MTDH: variants seen among roughly 807,000 people sequenced by gnomAD.
MTDH encodes the protein protein LYRIC.
Under a neutral mutation model 72.7 loss-of-function variants are expected in MTDH, and 34 were observed. The ratio of observed to expected loss-of-function variants is 0.47; its 90% CI spans 0.36 to 0.62. The LOEUF is 0.62. MTDH is among the 20% of genes least tolerant of loss of function. The pLI is 0.00. For synonymous variants in MTDH, 266 were observed against 268.9 expected (o/e 0.99, Z 0.10); for missense variants, 677 against 699.4 (o/e 0.97, Z 0.36).
intron 9 of MTDH, among the ~76,000 whole-genome samples, chr8:97,716,519 C>G (rs1814878379): frequency 6.6e-6 from 1 of 152,092 alleles, no homozygotes; most frequent in Admixed American, 6.6e-5. Context: ...GAAACCCCGT[C>G]TCTACTGAAA....
intron 2 of MTDH, among the ~76,000 whole-genome samples, chr8:97,686,105 A>T (rs1198800783): frequency 6.6e-6 from 1 of 152,180 alleles, no homozygotes; most frequent in East Asian, 1.9e-4. Context: ...TGTACAATTG[A>T]CTCATTAATT....
At chr8:97,704,094 C>T (rs1814250834) in intron 7 of MTDH, among the ~76,000 whole-genome samples, 1 of 152,164 alleles carries the variant, frequency 6.6e-6, no homozygotes, top group Non-Finnish European at 1.5e-5. Flanking sequence ...ACATTTCACA[C>T]TTGTAATCAC....
chr8:97,667,438 A>G (rs961039276), intron 2 of MTDH, among the ~76,000 whole-genome samples: 1 of 152,368 alleles, frequency 6.6e-6, no homozygotes, highest in East Asian at 1.9e-4. Flanking sequence ...GAATATATGC[A>G]TAAAGTTTGC....
At chr8:97,656,219 A>G (rs1276100453) in intron 1 of MTDH, among the ~76,000 whole-genome samples, 5 of 151,896 alleles carry the variant, frequency 3.3e-5, no homozygotes, top group Admixed American at 1.3e-4. Flanking sequence ...ATATATGCTT[A>G]CCTCAGATAC....
At chr8:97,645,234 T>G (rs1811521086) in intron 1 of MTDH, among the ~76,000 whole-genome samples, 1 of 152,148 alleles carries the variant, frequency 6.6e-6, no homozygotes, top group Non-Finnish European at 1.5e-5. Context: ...AGGCTGCATG[T>G]GGAGCGTAAT....
chr8:97,651,201 C>T (rs975905383), intron 1 of MTDH, among the ~76,000 whole-genome samples: 2 of 152,184 alleles, frequency 1.3e-5, no homozygotes. Context: ...ATACCATATA[C>T]AATACATGGT....
intron 9 of MTDH, among the ~76,000 whole-genome samples, chr8:97,717,125 A>G (rs560057590): frequency 2.0e-5 from 3 of 152,262 alleles, no homozygotes; most frequent in African/African-American, 7.2e-5. Context: ...TCACCCACAT[A>G]CTTCCAAAGC....
At chr8:97,699,376 G>T (rs1198846335) in intron 6 of MTDH, among the ~76,000 whole-genome samples, 2 of 151,970 alleles carry the variant, frequency 1.3e-5, no homozygotes, top group African/African-American at 4.8e-5. Flanking sequence ...GGTTGAGGCT[G>T]CAGTGAGCCA....
intron 6 of MTDH, among the ~76,000 whole-genome samples, chr8:97,693,200 C>T (rs1813689393): frequency 6.6e-6 from 1 of 152,062 alleles, no homozygotes; most frequent in Non-Finnish European, 1.5e-5. Context: ...ATATGCTTAC[C>T]AAGGTTGGGG....
Position 97,644,743 on chromosome 8 carries a change from CA to C in MTDH, c.242del (p.Lys81SerfsTer26). The C allele has an allele frequency of 6.4e-7, 1 of 1,572,478 alleles. No individual in the cohort carries two copies. The highest frequency in any genetic ancestry group is 8.6e-7 in the Non-Finnish European group (1 of 1,166,574). ...GGGCCGCGGCTTGCGCCGGCGCCCGCAAAAAGCGGAGGAGCCCGCCCCGCAA... is the reference window on the plus strand; with the variant it reads ...GGGCCGCGGCTTGCGCCGGCGCCCGCAAAAGCGGAGGAGCCCGCCCCGCAA... ...GWAAACAGAR[K>X]KRRSPPRKRE... On this transcript the variant is annotated frameshift_variant, in exon 1 of 12. Coordinates refer to ENST00000336273, the MANE Select transcript of MTDH (RefSeq NM_178812.4). LOFTEE classifies it high-confidence loss of function.
In MTDH at chr8:97,661,128, T is replaced by C. The variant is rs771700738; in HGVS notation, c.438T>C (p.Ser146=). 6.2e-7 allele frequency: 1 copy of C among 1,613,086 alleles called. No individual in the cohort carries two copies. The highest frequency in any genetic ancestry group is 8.5e-7 in the Non-Finnish European group (1 of 1,179,526). Residue 146 remains serine, a synonymous_variant, in exon 2 of 12, where the codon AGT becomes AGC. Coordinates refer to ENST00000336273, the MANE Select transcript of MTDH (RefSeq NM_178812.4). ...GTGAAGCTGTTCGAACACCTCAAAG[T>C]GTAACAGCAAAGCAGCCACCAGAGA... ...AEGEAVRTPQ[S]VTAKQPPEID...
intron 8 of MTDH, among the ~76,000 whole-genome samples, chr8:97,712,313 A>G (rs1423122122): frequency 1.3e-5 from 2 of 152,180 alleles, no homozygotes; most frequent in Non-Finnish European, 2.9e-5. Context: ...CTGGGATTGC[A>G]GGCTTCAGCC....
chr8:97,673,772 C>T (rs1180906414), intron 2 of MTDH, among the ~76,000 whole-genome samples: 1 of 151,666 alleles, frequency 6.6e-6, no homozygotes, highest in African/African-American at 2.4e-5. Flanking sequence ...CTCCAGAGTT[C>T]AAGACCAGCT....
chr8:97,671,156 G>A (rs1345225953), intron 2 of MTDH, among the ~76,000 whole-genome samples: 3 of 151,858 alleles, frequency 2.0e-5, no homozygotes, highest in African/African-American at 4.8e-5. Flanking sequence ...TAGTAGAGAC[G>A]GGGTTTCACC....
intron 6 of MTDH, among the ~76,000 whole-genome samples, chr8:97,699,248 A>G (rs975858058): frequency 3.3e-5 from 5 of 152,052 alleles, no homozygotes; most frequent in African/African-American, 2.4e-5. Flanking sequence ...AGACTGTGCC[A>G]CTACACTCCG....
chr8:97,663,691 G>GT (rs146899018), intron 2 of MTDH, among the ~76,000 whole-genome samples: 25,684 of 145,468 alleles, frequency 0.18, 3,314 homozygotes, highest in African/African-American at 0.35. Context: ...GCAGCTTGCA[G>GT]TAAGTGGAGA....
intron 1 of MTDH, among the ~76,000 whole-genome samples, chr8:97,659,351 G>T (rs1419105467): frequency 6.6e-6 from 1 of 152,104 alleles, no homozygotes; most frequent in African/African-American, 2.4e-5. Flanking sequence ...CAGCATAGAA[G>T]AAAGAAAACC....
chr8:97,646,035 GA>G (rs1811552061), intron 1 of MTDH, among the ~76,000 whole-genome samples: 1 of 152,138 alleles, frequency 6.6e-6, no homozygotes, highest in African/African-American at 2.4e-5. Flanking sequence ...TAAATAATTA[GA>G]ATTTTGCATA....
intron 6 of MTDH, among the ~76,000 whole-genome samples, chr8:97,698,380 G>A (rs192494872): frequency 2.0e-5 from 3 of 152,170 alleles, no homozygotes; most frequent in Non-Finnish European, 1.5e-5. Context: ...TAAAGCAAGG[G>A]GTTTGACCTG....
Sources: gnomAD v4.1 joint callset for allele counts (sites outside exome capture counted in the v4.1 genomes callset) on GRCh38, gnomAD v4.1.1 for gene constraint, MANE v1.5 for transcripts, NCBI Gene and HGNC (gene_info 2026-07-23, HGNC 2026-07-21) for gene names.